Variants in ADGRB1 observed in about 807,000 individuals in gnomAD.
ADGRB1 encodes adhesion G protein-coupled receptor B1.
ADGRB1 carries 36 observed loss-of-function variants against 175.7 expected under a neutral mutation model. The ratio of observed to expected loss-of-function variants is 0.20; its 90% confidence interval spans 0.16 to 0.27. ADGRB1 has a LOEUF of 0.27. Ranked by LOEUF, ADGRB1 falls within the 10% of genes least tolerant of loss-of-function variation. The pLI is 1.00. For synonymous variants in ADGRB1, 1,054 were observed against 979.4 expected (o/e 1.08, Z -1.42); for missense variants, 1,731 against 2,255.3 (o/e 0.77, Z 4.71).
chr8:142,488,314 C>G, intron 13 of ADGRB1, 50 bp from the exon 14 acceptor site: 1 of 1,606,756 alleles, frequency 6.2e-7, no homozygotes, highest in Non-Finnish European at 8.5e-7. Context: ...CCCGCCACAT[C>G]TGTGACTTTC....
rs1845329121 is a variant in ADGRB1 at position 142,542,429 on chromosome 8, C to G, written c.4195C>G (p.Pro1399Ala). The change falls in exon 28 of 31, where the codon CCC becomes GCC. Residue 1399 changes from proline (P) to alanine (A), a missense_variant. Transcript: ENST00000517894. The surrounding 1 kb of genome is among the most constrained non-coding windows in gnomAD (Gnocchi z 6.3). ...PARSPPSRQP[P>A]SGGPPEAPPA... ...CCGCAGCCCGCCCTCCCGCCAGCCCCCCAGCGGCGGGCCCCCCGAGGCACC... is the reference window on the plus strand; with the variant it reads ...CCGCAGCCCGCCCTCCCGCCAGCCCGCCAGCGGCGGGCCCCCCGAGGCACC... The G allele has an allele frequency of 6.6e-6, 10 of 1,521,714 alleles. No homozygotes were observed. Among genetic ancestry groups the G allele is most frequent in the African/African-American group, 4.2e-5 (3 of 71,352 alleles). The allele number at this position is 1,521,714 out of a possible 1,614,324, so 94.3% of individuals were successfully genotyped here.
rs1262584828 is a variant in ADGRB1 at position 142,522,469 on chromosome 8, G to A, written c.3176-172G>A. 4.6e-5 allele frequency among the ~76,000 whole-genome samples: 7 copies of A among 152,178 alleles called. No homozygotes were observed. In the South Asian group the frequency reaches 6.2e-4, roughly 14 times the overall value. ...ATTGGACCACCCTGCGCCCAGCTCC[G>A]CAGGCCCTTGCCTTGTTCACCTCCT... On this transcript the variant is annotated intron_variant, in intron 21 of 30. Coordinates refer to ENST00000517894, the MANE Select transcript of ADGRB1 (RefSeq NM_001702.3).
At chr8:142,494,177 G>C (rs1324571264) in intron 17 of ADGRB1, among the ~76,000 whole-genome samples, 2 of 152,130 alleles carry the variant, frequency 1.3e-5, no homozygotes, top group Non-Finnish European at 2.9e-5. Context: ...AACTGAACTG[G>C]TCACAGATAG....
Position 142,490,815 on chromosome 8 carries a change from T to C in ADGRB1, c.2675T>C (p.Val892Ala). 2 of 1,581,796 alleles carry C rather than the reference T, an allele frequency of 1.3e-6. No homozygotes were observed. Among genetic ancestry groups the C allele is most frequent in the Non-Finnish European group, 1.7e-6 (2 of 1,163,614 alleles). The part of the protein sequence containing the change: ...QTCILWDETD[V>A]PSSSAPPQLG... ...TGTATCCTGTGGGATGAGACGGATG[T>C]GTAAGTTCACTTGGATTTCATGGCC... is the stretch of plus-strand genomic sequence containing the variant. The change falls in exon 17 of 31, where the codon GTA becomes GCA. Residue 892 changes from valine (V) to alanine (A), a missense_variant and splice_region_variant. Val to Ala is a moderately conservative substitution (Grantham distance 64). This residue lies in a region of ADGRB1 where 77 missense variants were observed against 71.6 expected (regional missense o/e 1.08). Transcript: ENST00000517894.
At chr8:142,463,099 A>G (rs1211787146) in intron 1 of ADGRB1, among the ~76,000 whole-genome samples, 1 of 152,206 alleles carries the variant, frequency 6.6e-6, no homozygotes, top group Non-Finnish European at 1.5e-5. Context: ...TCTGTGTCTC[A>G]GTTTTCCCAT....
chr8:142,511,931 G>C lies in ADGRB1; in HGVS notation c.2817+858G>C, dbSNP rs939891467. Reference sequence around the variant, plus strand: ...CAGGGGTGGAGGATGCACTTGGAGGGGACCTGTCCTTCCTGGGTGTTGGAG... The same window carrying C: ...CAGGGGTGGAGGATGCACTTGGAGGCGACCTGTCCTTCCTGGGTGTTGGAG... On this transcript the variant is annotated intron_variant, in intron 18 of 30. Transcript: ENST00000517894. The surrounding 1 kb of genome is among the most constrained non-coding windows in gnomAD (Gnocchi z 4.5). Among the ~76,000 whole-genome samples the C allele has an allele frequency of 2.6e-5, 4 of 152,216 alleles. No individual in the cohort carries two copies. Among genetic ancestry groups the C allele is most frequent in the Non-Finnish European group, 5.9e-5 (4 of 68,040 alleles).
At position 142,463,738 on chromosome 8, in the gene ADGRB1, G is replaced by A. The variant is rs559059530; in HGVS notation, c.-219-242G>A. ...CCCTGCTCAGGCTTGGGTGGAGGCG[G>A]AGGTACTTTGTTCCCCAAGCTGGGC... On this transcript the variant is annotated intron_variant, in intron 1 of 30. Coordinates refer to ENST00000517894, the MANE Select transcript of ADGRB1 (RefSeq NM_001702.3). 4.6e-3 allele frequency among the ~76,000 whole-genome samples: 695 copies of A among 152,384 alleles called. 1 individual carries two copies. Among genetic ancestry groups the A allele is most frequent in the Non-Finnish European group, 6.2e-3 (425 of 68,038 alleles).
At chr8:142,472,848 T>C (rs1313018175) in intron 2 of ADGRB1, among the ~76,000 whole-genome samples, 1 of 151,932 alleles carries the variant, frequency 6.6e-6, no homozygotes, top group Non-Finnish European at 1.5e-5. Flanking sequence ...GAATCGAGAC[T>C]CAGTATGCGT....
chr8:142,514,040 G>A (rs1025469912), intron 18 of ADGRB1, among the ~76,000 whole-genome samples: 1 of 151,990 alleles, frequency 6.6e-6, no homozygotes, highest in Non-Finnish European at 1.5e-5. Flanking sequence ...GCTGGCAGTT[G>A]GGGAGGCGGC....
chr8:142,518,169 C>T lies in ADGRB1; in HGVS notation c.2849C>T (p.Thr950Met), dbSNP rs1159814911. Residue 950 changes from threonine (T) to methionine (M), a missense_variant, in exon 19 of 31, where the codon ACG becomes ATG. By Grantham distance (81) the Thr-to-Met change is moderately conservative. This residue lies in a region of ADGRB1 where 301 missense variants were observed against 488.4 expected (regional missense o/e 0.62). Coordinates refer to ENST00000517894, the MANE Select transcript of ADGRB1 (RefSeq NM_001702.3). ...GAGAAGGCGACTCTGCCGTCGGTGACGCTCATCGTGGGCTGTGGCGTGTCC... is the reference window on the plus strand; with the variant it reads ...GAGAAGGCGACTCTGCCGTCGGTGATGCTCATCGTGGGCTGTGGCGTGTCC... ...NMEKATLPSV[T>M]LIVGCGVSSL... 1.9e-6 allele frequency: 3 copies of T among 1,613,660 alleles called. No individual in the cohort carries two copies. Among genetic ancestry groups the T allele is most frequent in the East Asian group, 2.2e-5 (1 of 44,868 alleles).
intron 17 of ADGRB1, among the ~76,000 whole-genome samples, chr8:142,495,181 C>T (rs924827740): frequency 1.3e-5 from 2 of 151,932 alleles, no homozygotes; most frequent in African/African-American, 4.8e-5. Context: ...TCTGTGGGAG[C>T]CGGCTGTTTG....
chr8:142,505,902 T>C (rs1180197713), intron 17 of ADGRB1, among the ~76,000 whole-genome samples: 2 of 152,048 alleles, frequency 1.3e-5, no homozygotes, highest in Non-Finnish European at 2.9e-5. Flanking sequence ...GGTGGGCAGC[T>C]GCAGGGAGGT....
chr8:142,532,183 G>A (rs915516627), intron 24 of ADGRB1, among the ~76,000 whole-genome samples: 8 of 152,198 alleles, frequency 5.3e-5, no homozygotes, highest in Non-Finnish European at 1.2e-4. Flanking sequence ...CACCCATTCC[G>A]GGTGGTGATG....
At chr8:142,489,170 C>T (rs1169321457) in intron 15 of ADGRB1, 60 bp downstream of exon 15, 2 of 1,555,390 alleles carry the variant, frequency 1.3e-6, no homozygotes, top group Middle Eastern at 1.7e-4. Flanking sequence ...GGCAGGACCC[C>T]AGCCACAGGA....
At chr8:142,505,729 C>T (rs569490188) in intron 17 of ADGRB1, among the ~76,000 whole-genome samples, 178 of 152,304 alleles carry the variant, frequency 1.2e-3, no homozygotes, top group African/African-American at 4.1e-3. Flanking sequence ...AAGCTGAGGG[C>T]CATGCGGCCT....
chr8:142,520,123 A>G (rs1843697821), intron 19 of ADGRB1, among the ~76,000 whole-genome samples: 1 of 95,500 alleles, frequency 1.0e-5, no homozygotes, highest in African/African-American at 4.1e-5. Flanking sequence ...TGATTGTATG[A>G]TGATGATGGT....
Position 142,513,731 on chromosome 8 carries a change from G to A in ADGRB1, c.2817+2658G>A, listed in dbSNP as rs1843234946. Among the ~76,000 whole-genome samples, 4 of 152,298 alleles carry A rather than the reference G, an allele frequency of 2.6e-5. No homozygotes were observed. The South Asian group carries it at 8.3e-4, about 32-fold the overall frequency. ...AGTGCACGGGGCTGAGGCTTGAAGT[G>A]GGGTCCTGAGGGGTGTGCAGGAGTT... On this transcript the variant is annotated intron_variant, in intron 18 of 30. Coordinates refer to ENST00000517894, the MANE Select transcript of ADGRB1 (RefSeq NM_001702.3).
chr8:142,449,808 G>C lies in ADGRB1; in HGVS notation c.-516G>C, dbSNP rs1457893999. 2.0e-5 allele frequency: 3 copies of C among 146,454 alleles called. No individual in the cohort carries two copies. Among genetic ancestry groups the C allele is most frequent in the Non-Finnish European group, 3.0e-5 (2 of 65,762 alleles). 9.1% of individuals were successfully genotyped at this position (146,454 alleles called of 1,614,324 possible). A position where few individuals can be genotyped will look rare whatever the true frequency, so the allele number is the denominator to read the frequency against. ...GCACAGGCGGCCGCGCCGCGTCCTG[G>C]CCCGGCCCGGGCCCGCGCGCCAGCA... On this transcript the variant is annotated 5_prime_UTR_variant, in exon 1 of 31. Transcript: ENST00000517894.
At chr8:142,454,837 T>C (rs1839566600) in intron 1 of ADGRB1, among the ~76,000 whole-genome samples, 1 of 152,036 alleles carries the variant, frequency 6.6e-6, no homozygotes, top group South Asian at 2.1e-4. Flanking sequence ...CAACAAAAAA[T>C]AGGATCAGTA....
Sources: gnomAD v4.1 joint callset for allele counts (sites outside exome capture counted in the v4.1 genomes callset) on GRCh38, gnomAD v4.1.1 for gene constraint, gnomAD v4.1.1 regional missense constraint, Gnocchi (gnomAD v3.1) non-coding constraint, MANE v1.5 for transcripts, NCBI Gene and HGNC (gene_info 2026-07-23, HGNC 2026-07-21) for gene names.